Variants in TMEM184B observed in about 807,000 individuals in gnomAD.
The protein encoded by TMEM184B is putative MAPK-activating protein FM08.
Under a neutral mutation model 41.8 loss-of-function variants are expected in TMEM184B, and 17 were observed. The observed-to-expected ratio is 0.41, with a 90% confidence interval of 0.28 to 0.61. TMEM184B has a LOEUF of 0.61. Among genes scored for constraint, TMEM184B ranks in the 20% least tolerant of loss-of-function variants. The pLI is 0.34. For synonymous variants in TMEM184B, 240 were observed against 229.5 expected (o/e 1.05, Z -0.41); for missense variants, 393 against 557.8 (o/e 0.70, Z 2.98).
intron 3 of TMEM184B, among the ~76,000 whole-genome samples, chr22:38,242,563 T>G (rs2091936045): frequency 6.6e-6 from 1 of 152,202 alleles, no homozygotes; most frequent in Non-Finnish European, 1.5e-5. Context: ...TGCAGAGTTC[T>G]CCAGCCCAGG....
intron 1 of TMEM184B, among the ~76,000 whole-genome samples, chr22:38,250,999 G>A (rs571431156): frequency 1.3e-4 from 20 of 152,186 alleles, no homozygotes; most frequent in African/African-American, 4.1e-4. Flanking sequence ...CTATCAACAC[G>A]TTGTCTCCTC....
At position 38,272,991 on chromosome 22, in the gene TMEM184B, C is replaced by A. The variant is rs1424908820; in HGVS notation, c.-166G>T. 2 of 197,568 alleles carry A rather than the reference C, an allele frequency of 1.0e-5. No homozygotes were observed. Among genetic ancestry groups the A allele is most frequent in the Non-Finnish European group, 1.8e-5 (2 of 110,488 alleles). The allele number at this position is 197,568 out of a possible 1,614,324, so 12.2% of individuals were successfully genotyped here. A position where few individuals can be genotyped will look rare whatever the true frequency, so the allele number is the denominator to read the frequency against. ...CCCGGAGTCTCCGCCGCCGCCGGCG[C>A]GTCCCGGGCCCAGTGGAGTGCAGCC... On this transcript the variant is annotated 5_prime_UTR_variant, in exon 1 of 9. Coordinates refer to ENST00000361906, the MANE Select transcript of TMEM184B (RefSeq NM_012264.5).
chr22:38,258,450 G>GTA (rs2092319519), intron 1 of TMEM184B, among the ~76,000 whole-genome samples: 2 of 151,946 alleles, frequency 1.3e-5, no homozygotes, highest in Non-Finnish European at 2.9e-5. Flanking sequence ...ACAGGCATAA[G>GTA]CCACATGCCC....
chr22:38,260,240 G>T (rs1482058507), intron 1 of TMEM184B, among the ~76,000 whole-genome samples: 1 of 152,016 alleles, frequency 6.6e-6, no homozygotes, highest in Non-Finnish European at 1.5e-5. Flanking sequence ...ATTTTTGTTA[G>T]AGACAGGGTT....
At chr22:38,222,812 C>A (rs367609202) in intron 8 of TMEM184B, 2 of 668,922 alleles carry the variant, frequency 3.0e-6, no homozygotes, top group Admixed American at 1.3e-4. Flanking sequence ...CTGTCCCCAC[C>A]CCCCCAGGCC....
At chr22:38,257,043 G>A (rs968773063) in intron 1 of TMEM184B, among the ~76,000 whole-genome samples, 6 of 146,568 alleles carry the variant, frequency 4.1e-5, no homozygotes, top group African/African-American at 1.0e-4. Context: ...GTGCAATGGC[G>A]CGATCTCGAC....
At chr22:38,234,330 T>A (rs2091715039) in intron 3 of TMEM184B, among the ~76,000 whole-genome samples, 1 of 152,194 alleles carries the variant, frequency 6.6e-6, no homozygotes, top group Admixed American at 6.5e-5. Flanking sequence ...GAGGCTCATG[T>A]GAGGGAACCG....
At chr22:38,255,245 T>C (rs2092256664) in intron 1 of TMEM184B, among the ~76,000 whole-genome samples, 1 of 152,186 alleles carries the variant, frequency 6.6e-6, no homozygotes, top group African/African-American at 2.4e-5. Flanking sequence ...AGGCTGATCT[T>C]GAACTCCTGA....
chr22:38,257,998 A>T (rs2092310541), intron 1 of TMEM184B, among the ~76,000 whole-genome samples: 1 of 152,128 alleles, frequency 6.6e-6, no homozygotes, highest in Admixed American at 6.6e-5. Flanking sequence ...CAGAAAACAA[A>T]TTCAAGGACC....
chr22:38,231,596 T>C (rs1327166356), intron 3 of TMEM184B: 2 of 597,718 alleles, frequency 3.3e-6, no homozygotes, highest in Non-Finnish European at 6.1e-6. Context: ...ATGAAGGGAC[T>C]GTCGTGAGTT....
intron 1 of TMEM184B, among the ~76,000 whole-genome samples, chr22:38,257,234 AT>A (rs141305402): frequency 0.014 from 2,076 of 152,152 alleles, 61 homozygotes; most frequent in South Asian, 0.057. Context: ...TCCATTAAAA[AT>A]TTTCCAAAGC....
At chr22:38,232,926 G>A (rs916043028) in intron 3 of TMEM184B, among the ~76,000 whole-genome samples, 1 of 152,138 alleles carries the variant, frequency 6.6e-6, no homozygotes, top group Non-Finnish European at 1.5e-5. Context: ...ACAAGTCCCC[G>A]GTGACCATCG....
chr22:38,244,910 C>T (rs2091990178), intron 3 of TMEM184B, among the ~76,000 whole-genome samples: 1 of 152,196 alleles, frequency 6.6e-6, no homozygotes, highest in South Asian at 2.1e-4. Context: ...TCCTGGTCTC[C>T]TTGTGGTGAC....
At chr22:38,231,411 T>A in intron 3 of TMEM184B, 77 bp from the exon 4 acceptor site, 3 of 1,213,488 alleles carry the variant, frequency 2.5e-6, no homozygotes, top group Non-Finnish European at 1.2e-6. Context: ...TAAACAGCAA[T>A]GGAGGTGAAA....
intron 3 of TMEM184B, among the ~76,000 whole-genome samples, chr22:38,243,039 C>T (rs1261363878): frequency 1.8e-5 from 2 of 108,608 alleles, no homozygotes; most frequent in Non-Finnish European, 3.4e-5. Flanking sequence ...TCCAGCCTGG[C>T]AACGGTCTCA....
intron 5 of TMEM184B, 137 bp from the exon 6 acceptor site, chr22:38,227,007 G>A (rs1349413557): frequency 2.5e-5 from 21 of 831,318 alleles, no homozygotes; most frequent in Non-Finnish European, 9.5e-6. Flanking sequence ...GAGGGATGGA[G>A]GGACGGAGGG....
intron 3 of TMEM184B, among the ~76,000 whole-genome samples, chr22:38,238,115 T>TA (rs1470869195): frequency 6.6e-6 from 1 of 151,980 alleles, no homozygotes; most frequent in Non-Finnish European, 1.5e-5. Context: ...GCGGCTTTTT[T>TA]ATCCTCTGCT....
rs368730066 is a variant in TMEM184B at position 38,245,884 on chromosome 22, C to T, written c.358+51G>A. The stretch of plus-strand genomic sequence containing the variant: ...GGGGAGGAATGTGGGGACAGGGGCT[C>T]CCAGCCCCCCAGCCCCCCGCCAGCC... On this transcript the variant is annotated intron_variant, in intron 3 of 8. Transcript: ENST00000361906. The T allele has an allele frequency of 1.6e-4, 152 of 936,222 alleles. 2 individuals are homozygous for T. In the African/African-American group the frequency reaches 2.2e-3, roughly 14 times the overall value. The allele number at this position is 936,222 out of a possible 1,614,324, so 58.0% of individuals were successfully genotyped here. A position where few individuals can be genotyped will look rare whatever the true frequency, so the allele number is the denominator to read the frequency against.
rs1017442379 is a variant in TMEM184B at position 38,239,961 on chromosome 22, C to T, written c.358+5974G>A. Among the ~76,000 whole-genome samples, 45 of 151,018 alleles carry T rather than the reference C, an allele frequency of 3.0e-4. No individual in the cohort carries two copies. The highest frequency in any genetic ancestry group is 9.7e-4 in the African/African-American group (40 of 41,064). ...CCAGCAATTTTTTTTTTTTCTGGGGCGGGTAGAGATGAGGTCGAGGTCTCG... is the reference window on the plus strand; with the variant it reads ...CCAGCAATTTTTTTTTTTTCTGGGGTGGGTAGAGATGAGGTCGAGGTCTCG... On this transcript the variant is annotated intron_variant, in intron 3 of 8. Transcript: ENST00000361906. The surrounding 1 kb of genome is among the most constrained non-coding windows in gnomAD (Gnocchi z 4.6).
Sources: gnomAD v4.1 joint callset for allele counts (sites outside exome capture counted in the v4.1 genomes callset) on GRCh38, gnomAD v4.1.1 for gene constraint, Gnocchi (gnomAD v3.1) non-coding constraint, MANE v1.5 for transcripts, NCBI Gene and HGNC (gene_info 2026-07-23, HGNC 2026-07-21) for gene names.